SEMA6D: variants seen among roughly 807,000 people sequenced by gnomAD.
SEMA6D encodes the protein semaphorin-6D.
In SEMA6D, 35 loss-of-function variants were observed where a neutral mutation model predicts 106.6. The observed-to-expected ratio is 0.33, with a 90% CI of 0.25 to 0.44. SEMA6D has a LOEUF of 0.44. SEMA6D is among the 20% of genes least tolerant of loss of function. The pLI, the probability that SEMA6D is intolerant of heterozygous loss-of-function variation, is 1.00. For missense variants in SEMA6D, 1,185 were observed against 1,345.9 expected (o/e 0.88, Z 1.87); for synonymous variants, 499 against 487.7 (o/e 1.02, Z -0.31).
At chr15:47,539,526 G>A (rs1408453022) in intron 3 of SEMA6D, among the ~76,000 whole-genome samples, 1 of 152,104 alleles carries the variant, frequency 6.6e-6, no homozygotes, top group East Asian at 1.9e-4. Flanking sequence ...CTGGGTTAAA[G>A]CGATTCTCCT....
intron 2 of SEMA6D, among the ~76,000 whole-genome samples, chr15:47,428,766 GGA>G (rs2041428160): frequency 6.6e-6 from 1 of 150,756 alleles, no homozygotes; most frequent in Non-Finnish European, 1.5e-5. Context: ...ACTCTGTCAA[GGA>G]AAAAAAAAAG....
At chr15:47,399,227 T>C (rs1193788153) in intron 1 of SEMA6D, 1 of 152,214 alleles carries the variant, frequency 6.6e-6, no homozygotes, top group African/African-American at 2.4e-5. Context: ...AGTGATTTGC[T>C]CAAGGTCACA....
At chr15:47,247,424 C>G (rs1480615902) in intron 1 of SEMA6D, among the ~76,000 whole-genome samples, 1 of 149,596 alleles carries the variant, frequency 6.7e-6, no homozygotes, top group South Asian at 2.1e-4. Context: ...TCCTATATAG[C>G]AAAAGTGAAA....
At chr15:47,552,512 G>GTA (rs2045731426) in intron 3 of SEMA6D, among the ~76,000 whole-genome samples, 1 of 74,024 alleles carries the variant, frequency 1.4e-5, no homozygotes, top group Non-Finnish European at 3.1e-5. Context: ...ATGTGTGTGT[G>GTA]TATATATATG....
At chr15:47,412,084 C>T (rs2040817946) in intron 1 of SEMA6D, among the ~76,000 whole-genome samples, 1 of 152,018 alleles carries the variant, frequency 6.6e-6, no homozygotes, top group Non-Finnish European at 1.5e-5. Flanking sequence ...GAGACCATGT[C>T]CTGATTGCAG....
intron 3 of SEMA6D, among the ~76,000 whole-genome samples, chr15:47,530,046 T>C (rs1264311339): frequency 6.6e-6 from 1 of 152,202 alleles, no homozygotes; most frequent in African/African-American, 2.4e-5. Flanking sequence ...GCAGTCACCA[T>C]AGCTCCACTC....
At chr15:47,578,922 CAG>C (rs1430853199) in intron 3 of SEMA6D, among the ~76,000 whole-genome samples, 2 of 152,124 alleles carry the variant, frequency 1.3e-5, no homozygotes, top group Non-Finnish European at 1.5e-5. Context: ...TAATCAAAAA[CAG>C]AAAAATACAC....
intron 4 of SEMA6D, among the ~76,000 whole-genome samples, chr15:47,694,434 C>T (rs561998820): frequency 2.8e-4 from 42 of 152,170 alleles, no homozygotes; most frequent in Non-Finnish European, 5.1e-4. Context: ...TAAGACTCCT[C>T]GCCTTCACCT....
At chr15:47,309,319 A>T (rs1005107543) in intron 1 of SEMA6D, among the ~76,000 whole-genome samples, 8 of 152,132 alleles carry the variant, frequency 5.3e-5, no homozygotes, top group African/African-American at 1.9e-4. Flanking sequence ...GTTCTGTCCC[A>T]CCTGGGATGT....
intron 3 of SEMA6D, among the ~76,000 whole-genome samples, chr15:47,578,056 A>G (rs2076187606): frequency 6.6e-6 from 1 of 152,160 alleles, no homozygotes; most frequent in African/African-American, 2.4e-5. Context: ...CCTCCAGGTA[A>G]CCTTCTGAGA....
At chr15:47,556,890 G>C (rs917746172) in intron 3 of SEMA6D, among the ~76,000 whole-genome samples, 1 of 152,114 alleles carries the variant, frequency 6.6e-6, no homozygotes, top group Non-Finnish European at 1.5e-5. Flanking sequence ...TCAGTGCAAA[G>C]GTATCATGTG....
intron 1 of SEMA6D, among the ~76,000 whole-genome samples, chr15:47,290,460 G>C (rs2035548915): frequency 6.6e-6 from 1 of 152,014 alleles, no homozygotes; most frequent in African/African-American, 2.4e-5. Context: ...GTAGAAGAAT[G>C]ACAGAGCTGA....
intron 3 of SEMA6D, among the ~76,000 whole-genome samples, chr15:47,504,503 A>G (rs2043969946): frequency 6.6e-6 from 1 of 152,216 alleles, no homozygotes; most frequent in Non-Finnish European, 1.5e-5. Context: ...ATAGAAAAGC[A>G]GGAGATCCAG....
rs545574473 is a variant in SEMA6D, at chr15:47,411,794, C to T, written c.-238-599C>T. On this transcript the variant is annotated intron_variant, in intron 1 of 19. Transcript: ENST00000558014. Reference sequence around the variant, plus strand: ...TGTGTGGCCACTTCCGGGTTCAGATCCCTCTATTCCAGTAGCGTGGTCAGA... The same window carrying T: ...TGTGTGGCCACTTCCGGGTTCAGATTCCTCTATTCCAGTAGCGTGGTCAGA... Among the ~76,000 whole-genome samples, 41 of 152,224 alleles carry T rather than the reference C, an allele frequency of 2.7e-4. No individual in the cohort carries two copies. The South Asian group carries it at 8.5e-3, about 32-fold the overall frequency.
chr15:47,463,695 C>T (rs1221477906), intron 2 of SEMA6D, among the ~76,000 whole-genome samples: 1 of 152,150 alleles, frequency 6.6e-6, no homozygotes, highest in African/African-American at 2.4e-5. Flanking sequence ...GTATTAGTTT[C>T]CTGTGGCTGC....
At chr15:47,587,391 CCT>C (rs1566912998) in intron 3 of SEMA6D, among the ~76,000 whole-genome samples, 1 of 152,210 alleles carries the variant, frequency 6.6e-6, no homozygotes, top group African/African-American at 2.4e-5. Context: ...GCATTTCAGA[CCT>C]CTCTGAAGAG....
chr15:47,705,382 C>T (rs1472225135), intron 4 of SEMA6D, among the ~76,000 whole-genome samples: 1 of 152,108 alleles, frequency 6.6e-6, no homozygotes, highest in Non-Finnish European at 1.5e-5. Flanking sequence ...TTACTTTACC[C>T]CTAACAATAA....
At chr15:47,284,587 GT>G (rs2035277455) in intron 1 of SEMA6D, among the ~76,000 whole-genome samples, 1 of 152,140 alleles carries the variant, frequency 6.6e-6, no homozygotes, top group African/African-American at 2.4e-5. Context: ...AATAAGACCA[GT>G]TTTCTAAGAT....
chr15:47,609,572 G>A (rs2076852629), intron 4 of SEMA6D, among the ~76,000 whole-genome samples: 1 of 152,244 alleles, frequency 6.6e-6, no homozygotes, highest in South Asian at 2.1e-4. Flanking sequence ...GACCCCAAAG[G>A]AGGCCTTTGA....
Sources: gnomAD v4.1 joint callset for allele counts (sites outside exome capture counted in the v4.1 genomes callset) on GRCh38, gnomAD v4.1.1 for gene constraint, MANE v1.5 for transcripts, NCBI Gene and HGNC (gene_info 2026-07-23, HGNC 2026-07-21) for gene names.